The following MCUB variants were observed in gnomAD, a reference collection of about 807,000 sequenced individuals.
The protein encoded by MCUB is calcium uniporter regulatory subunit MCUb, mitochondrial.
In MCUB, 46 loss-of-function variants were observed where a neutral mutation model predicts 41.4. The ratio of observed to expected loss-of-function variants is 1.11; its 90% CI spans 0.88 to 1.42. The LOEUF (loss-of-function observed/expected upper bound fraction) is 1.42. Ranked by LOEUF, MCUB falls within the 40% of genes most tolerant of loss-of-function variation. The pLI is 0.00. For missense variants in MCUB, 403 were observed against 404.9 expected (o/e 1.00, Z 0.04); for synonymous variants, 148 against 148.2 (o/e 1.00, Z 0.01).
chr4:109,577,135 A>G (rs1460747173), intron 1 of MCUB, among the ~76,000 whole-genome samples: 1 of 152,220 alleles, frequency 6.6e-6, no homozygotes, highest in Non-Finnish European at 1.5e-5. Context: ...TACAGGCGTG[A>G]GCCACCACAC....
chr4:109,613,246 A>G (rs141042032), intron 1 of MCUB, among the ~76,000 whole-genome samples: 190 of 152,370 alleles, frequency 1.2e-3, no homozygotes, highest in African/African-American at 4.2e-3. Flanking sequence ...TTAATTATCT[A>G]CTATTGCTAT....
At chr4:109,673,858 G>C in intron 4 of MCUB, 2 of 765,438 alleles carry the variant, frequency 2.6e-6, no homozygotes, top group Non-Finnish European at 4.9e-6. Context: ...AGCAGACACA[G>C]GTGTTTCTCT....
intron 1 of MCUB, among the ~76,000 whole-genome samples, chr4:109,570,092 T>C (rs1210570703): frequency 6.6e-6 from 1 of 152,230 alleles, no homozygotes; most frequent in African/African-American, 2.4e-5. Context: ...ACTACTTCCA[T>C]AAATAGAGCC....
intron 1 of MCUB, among the ~76,000 whole-genome samples, chr4:109,644,020 C>A (rs766500259): frequency 1.3e-5 from 2 of 151,536 alleles, no homozygotes; most frequent in Non-Finnish European, 2.9e-5. Flanking sequence ...TCGGAGGCTG[C>A]CCGATTAAAA....
At chr4:109,598,135 C>T (rs2126130196) in intron 1 of MCUB, among the ~76,000 whole-genome samples, 1 of 146,162 alleles carries the variant, frequency 6.8e-6, no homozygotes, top group Non-Finnish European at 1.5e-5. Flanking sequence ...AGAGGGGCTC[C>T]TCACATCCCA....
chr4:109,563,468 G>A (rs932545705), intron 1 of MCUB, among the ~76,000 whole-genome samples: 21 of 152,102 alleles, frequency 1.4e-4, no homozygotes, highest in African/African-American at 4.1e-4. Context: ...TGTATTTGCA[G>A]TTGGTACATT....
chr4:109,633,232 G>C (rs373663614), intron 1 of MCUB, among the ~76,000 whole-genome samples: 1 of 152,000 alleles, frequency 6.6e-6, no homozygotes, highest in Admixed American at 6.6e-5. Flanking sequence ...TTTGTTTTGC[G>C]TGTATTTGGA....
intron 1 of MCUB, among the ~76,000 whole-genome samples, chr4:109,621,514 T>C (rs1372115452): frequency 2.0e-5 from 3 of 152,188 alleles, no homozygotes; most frequent in Non-Finnish European, 4.4e-5. Context: ...ACAAGGTAGA[T>C]GAATGCCAAA....
intron 1 of MCUB, among the ~76,000 whole-genome samples, chr4:109,600,934 A>G (rs1208486822): frequency 1.3e-5 from 2 of 152,040 alleles, no homozygotes; most frequent in Non-Finnish European, 2.9e-5. Flanking sequence ...GGCTAGGACT[A>G]CAAGTGCCCA....
rs981546498 is a variant in MCUB at position 109,566,217 on chromosome 4, T to C, written c.99+5781T>C. ...GGGCACAGTGGCTCACGCCTGTAAT[T>C]CCAGCACTTTGGGAGGCCAAGGTGG... On this transcript the variant is annotated intron_variant, in intron 1 of 7. Transcript: ENST00000394650. Among the ~76,000 whole-genome samples, 10 of 150,538 alleles carry C rather than the reference T, an allele frequency of 6.6e-5. No individual in the cohort carries two copies. In the South Asian group the frequency reaches 8.5e-4, roughly 13 times the overall value.
chr4:109,660,236 C>A lies in MCUB; in HGVS notation c.217C>A (p.Leu73Ile). 1 of 1,599,640 alleles carries A rather than the reference C, an allele frequency of 6.3e-7. No homozygotes were observed. The highest frequency in any genetic ancestry group is 8.6e-7 in the Non-Finnish European group (1 of 1,168,014). ...TAGACATGGCCTTCCCTTGGTAACA[C>A]TTACCTTGCCATCTAGAAAAGAACG... is the stretch of plus-strand genomic sequence containing the variant. Reference protein sequence around the residue: ...IYRHGLPLVTLTLPSRKERCQ... With the variant: ...IYRHGLPLVTITLPSRKERCQ... Residue 73 changes from leucine to isoleucine, a missense_variant, in exon 3 of 8, where the codon CTT (leucine) becomes ATT (isoleucine). By Grantham distance (5) the Leu-to-Ile change is conservative. Coordinates refer to ENST00000394650, the MANE Select transcript of MCUB (RefSeq NM_017918.5).
intron 1 of MCUB, among the ~76,000 whole-genome samples, chr4:109,636,932 A>G (rs1728608632): frequency 6.6e-6 from 1 of 152,266 alleles, no homozygotes; most frequent in Non-Finnish European, 1.5e-5. Flanking sequence ...TATGATCTAG[A>G]GACCAGTAGT....
At chr4:109,594,485 G>A (rs558432481) in intron 1 of MCUB, among the ~76,000 whole-genome samples, 10 of 152,066 alleles carry the variant, frequency 6.6e-5, no homozygotes, top group African/African-American at 1.4e-4. Context: ...GTGAAACCCC[G>A]TCTCTACTAA....
At chr4:109,606,268 C>T (rs1005021720) in intron 1 of MCUB, among the ~76,000 whole-genome samples, 7 of 151,882 alleles carry the variant, frequency 4.6e-5, no homozygotes, top group Admixed American at 2.0e-4. Flanking sequence ...AGCCACTGTG[C>T]CTGGCCTGTT....
chr4:109,644,887 G>A (rs186023466), intron 1 of MCUB, among the ~76,000 whole-genome samples: 4 of 152,112 alleles, frequency 2.6e-5, no homozygotes, highest in Admixed American at 2.0e-4. Context: ...ACTTCTTTGG[G>A]GAATTTTTTT....
intron 1 of MCUB, among the ~76,000 whole-genome samples, chr4:109,655,115 C>T (rs1163214290): frequency 1.3e-5 from 2 of 152,182 alleles, no homozygotes; most frequent in African/African-American, 4.8e-5. Context: ...CAAGGAAACA[C>T]TTTACTTATG....
chr4:109,629,582 C>T (rs1178244853), intron 1 of MCUB, among the ~76,000 whole-genome samples: 14 of 152,210 alleles, frequency 9.2e-5, no homozygotes, highest in Non-Finnish European at 1.8e-4. Flanking sequence ...GACTATAAAT[C>T]AGGGTTCCCA....
intron 7 of MCUB, among the ~76,000 whole-genome samples, 197 bp from the exon 8 acceptor site, chr4:109,687,317 GC>G (rs1206684189): frequency 6.6e-6 from 1 of 151,742 alleles, no homozygotes; most frequent in Admixed American, 6.6e-5. Context: ...TGAGATGGTA[GC>G]ACTGCACTCC....
intron 1 of MCUB, among the ~76,000 whole-genome samples, chr4:109,565,273 G>T (rs893608140): frequency 6.6e-6 from 1 of 152,148 alleles, no homozygotes. Context: ...GATCCTCAGC[G>T]TTCTGACAGC....
Sources: allele counts gnomAD v4.1 joint callset (sites outside exome capture counted in the v4.1 genomes callset), GRCh38; gene constraint gnomAD v4.1.1; transcripts MANE v1.5; gene names NCBI Gene and HGNC (gene_info 2026-07-23, HGNC 2026-07-21).